Variants in CCDC171 observed in about 807,000 individuals in gnomAD.
CCDC171 encodes the protein coiled-coil domain-containing protein 171.
Under a neutral mutation model 168.2 loss-of-function variants are expected in CCDC171, and 177 were observed. The observed-to-expected ratio is 1.05, with a 90% confidence interval of 0.93 to 1.19. The LOEUF is 1.19. Among genes scored for constraint, CCDC171 ranks in the 50% most tolerant of loss-of-function variants. CCDC171 has a pLI of 0.00. For missense variants in CCDC171, 1,991 were observed against 1,539.0 expected (o/e 1.29, Z -4.91); for synonymous variants, 687 against 540.8 (o/e 1.27, Z -3.75).
intron 3 of CCDC171, among the ~76,000 whole-genome samples, chr9:15,999,969 T>C (rs1285198761): frequency 6.6e-6 from 1 of 152,206 alleles, no homozygotes; most frequent in Non-Finnish European, 1.5e-5. Context: ...TATGAGATTT[T>C]TATGTAATTT....
intron 23 of CCDC171, among the ~76,000 whole-genome samples, chr9:15,871,394 A>C (rs2062033129): frequency 6.6e-6 from 1 of 151,908 alleles, no homozygotes; most frequent in African/African-American, 2.4e-5. Context: ...ATTATAATTT[A>C]ATCTACAGAC....
At chr9:15,931,936 C>A (rs1406633526) in intron 25 of CCDC171, among the ~76,000 whole-genome samples, 1 of 151,796 alleles carries the variant, frequency 6.6e-6, no homozygotes, top group Non-Finnish European at 1.5e-5. Flanking sequence ...TTTCTGGGTT[C>A]TCTGTTCTGT....
rs575291367 is a variant in CCDC171 at position 15,810,586 on chromosome 9, G to A, written c.3267+25892G>A. On this transcript the variant is annotated intron_variant, in intron 21 of 25. Transcript: ENST00000380701. ...TGAGGCCCGGCGACAATTTGAGCAC[G>A]GTGCGGGCGGGCCGGCAGTGCTGGG... Among the ~76,000 whole-genome samples the A allele has an allele frequency of 5.2e-4, 79 of 152,296 alleles. 2 individuals are homozygous for A. The South Asian group carries it at 0.016, about 31-fold the overall frequency.
intron 6 of CCDC171, among the ~76,000 whole-genome samples, chr9:15,610,855 G>A (rs867903798): frequency 1.3e-5 from 2 of 152,056 alleles, no homozygotes; most frequent in South Asian, 2.1e-4. Context: ...CACTGTGCCC[G>A]GCCTGGTCTT....
chr9:15,942,894 T>C (rs1438788730), intron 25 of CCDC171, among the ~76,000 whole-genome samples: 1 of 151,550 alleles, frequency 6.6e-6, no homozygotes, highest in African/African-American at 2.4e-5. Context: ...ATGGTAAGTT[T>C]AAAAAAAAGA....
chr9:16,072,146 G>A, the CCDC171 span, among the ~76,000 whole-genome samples: 1 of 152,190 alleles, frequency 6.6e-6, no homozygotes, highest in African/African-American at 2.4e-5. Context: ...AAGCTCATAT[G>A]AATTTTACAG....
intron 7 of CCDC171, among the ~76,000 whole-genome samples, chr9:15,651,058 T>A (rs2047474989): frequency 6.6e-6 from 1 of 152,160 alleles, no homozygotes; most frequent in Non-Finnish European, 1.5e-5. Context: ...ACTGTCATTC[T>A]ACTCTCTACC....
intron 24 of CCDC171, among the ~76,000 whole-genome samples, chr9:15,905,480 C>G (rs377504144): frequency 2.4e-3 from 372 of 152,064 alleles, no homozygotes; most frequent in African/African-American, 8.8e-3. Flanking sequence ...CCAACGAGAA[C>G]AAAGACACAA....
At chr9:15,664,567 TACAC>T (rs34252519) in intron 8 of CCDC171, among the ~76,000 whole-genome samples, 16 of 144,090 alleles carry the variant, frequency 1.1e-4, no homozygotes, top group Admixed American at 5.5e-4. Flanking sequence ...CTTAAATTTA[TACAC>T]ACACACACAC....
rs549908699 is a variant in CCDC171, at chr9:15,749,045, C to T, written c.2671+3414C>T. On this transcript the variant is annotated intron_variant, in intron 18 of 25. Transcript: ENST00000380701. ...GTAAATTGGATAAAGAGTCAAGACC[C>T]ATTGGTGTGCTGTATTCAGGAGACC... Among the ~76,000 whole-genome samples, 47 of 151,988 alleles carry T rather than the reference C, an allele frequency of 3.1e-4. 1 individual carries two copies. In the South Asian group the frequency reaches 9.2e-3, roughly 30 times the overall value.
chr9:15,587,013 A>G (rs2041615789), intron 4 of CCDC171, among the ~76,000 whole-genome samples: 1 of 152,102 alleles, frequency 6.6e-6, no homozygotes, highest in East Asian at 1.9e-4. Flanking sequence ...AGGTCTTGCC[A>G]TGTTGACCAG....
intron 25 of CCDC171, among the ~76,000 whole-genome samples, chr9:15,963,714 A>T (rs915894091): frequency 6.6e-6 from 1 of 151,582 alleles, no homozygotes; most frequent in Non-Finnish European, 1.5e-5. Context: ...TTATTATACT[A>T]CTCTCTCCCC....
chr9:15,799,731 T>G (rs1456808284), intron 21 of CCDC171, among the ~76,000 whole-genome samples: 6 of 152,082 alleles, frequency 3.9e-5, no homozygotes, highest in Admixed American at 3.9e-4. Flanking sequence ...TCTCTGTTTT[T>G]TTTGCACCCA....
intron 1 of CCDC171, among the ~76,000 whole-genome samples, chr9:15,561,514 T>G (rs2039299197): frequency 6.6e-6 from 1 of 152,186 alleles, no homozygotes. Context: ...AAATAAATAC[T>G]CTTTAAGGGC....
intron 16 of CCDC171, among the ~76,000 whole-genome samples, chr9:15,741,190 A>G (rs574929178): frequency 6.6e-6 from 1 of 152,206 alleles, no homozygotes; most frequent in Non-Finnish European, 1.5e-5. Context: ...CAGTGGCATT[A>G]AGTGTGTTCA....
At chr9:15,594,449 G>C (rs929716731) in intron 6 of CCDC171, among the ~76,000 whole-genome samples, 2 of 152,050 alleles carry the variant, frequency 1.3e-5, no homozygotes, top group African/African-American at 2.4e-5. Flanking sequence ...TTTAAAATTT[G>C]AGACTAATAG....
Position 15,877,158 on chromosome 9 carries a change from T to C in CCDC171, c.3600+2495T>C, listed in dbSNP as rs148005709. ...ACTTGTTTCTGAGATCTGCTAGCTT[T>C]CCCCTCCAACTTTCTTAGCTGAAAC... On this transcript the variant is annotated intron_variant, in intron 24 of 25. Coordinates refer to ENST00000380701, the MANE Select transcript of CCDC171 (RefSeq NM_173550.4). Among the ~76,000 whole-genome samples, 33 of 146,506 alleles carry C rather than the reference T, an allele frequency of 2.3e-4. No homozygotes were observed. In the East Asian group the frequency reaches 6.7e-3, roughly 30 times the overall value.
At chr9:15,922,804 T>G (rs924187907) in intron 25 of CCDC171, among the ~76,000 whole-genome samples, 2 of 151,672 alleles carry the variant, frequency 1.3e-5, no homozygotes, top group African/African-American at 4.8e-5. Flanking sequence ...TCATTTGCAT[T>G]TCCCCGAAGA....
intron 1 of CCDC171, among the ~76,000 whole-genome samples, chr9:16,043,888 T>TA (rs1412725659): frequency 6.6e-6 from 1 of 152,220 alleles, no homozygotes; most frequent in Admixed American, 6.5e-5. Context: ...GCATCACAGA[T>TA]ACGTCCATTT....
Sources: gnomAD v4.1 joint callset for allele counts (sites outside exome capture counted in the v4.1 genomes callset) on GRCh38, gnomAD v4.1.1 for gene constraint, MANE v1.5 for transcripts, NCBI Gene and HGNC (gene_info 2026-07-23, HGNC 2026-07-21) for gene names.